The following SYT16 variants were observed in gnomAD, a reference collection of about 807,000 sequenced individuals.
The protein encoded by SYT16 is synaptotagmin 16.
Under a neutral mutation model 61.4 loss-of-function variants are expected in SYT16, and 42 were observed. That is an observed-to-expected ratio of 0.68 (90% CI 0.53 to 0.89). SYT16 has a LOEUF of 0.89. SYT16 is among the 40% of genes least tolerant of loss of function. The pLI is 0.00. For synonymous variants in SYT16, 314 were observed against 302.3 expected, an observed-to-expected ratio of 1.04 and a Z score of -0.40; for missense variants, 804 against 807.3, an observed-to-expected ratio of 1.00 and a Z score of 0.05.
intron 1 of SYT16, among the ~76,000 whole-genome samples, chr14:61,887,344 A>G (rs924989972): frequency 6.6e-6 from 1 of 152,212 alleles, no homozygotes; most frequent in African/African-American, 2.4e-5. Flanking sequence ...TACACTGAGC[A>G]TAGTTCTTAG....
chr14:61,931,054 A>G (rs553112391), intron 1 of SYT16, among the ~76,000 whole-genome samples: 1 of 152,328 alleles, frequency 6.6e-6, no homozygotes, highest in South Asian at 2.1e-4. Flanking sequence ...TACAGCAGCA[A>G]TAGAAAACAT....
At chr14:61,978,828 T>C (rs901333271) in intron 2 of SYT16, among the ~76,000 whole-genome samples, 1 of 152,142 alleles carries the variant, frequency 6.6e-6, no homozygotes, top group Non-Finnish European at 1.5e-5. Context: ...ATGATGCTTT[T>C]CCTCCCCACT....
At position 62,081,037 on chromosome 14, in the gene SYT16, A is replaced by G. The variant is rs1412704532; in HGVS notation, c.1197A>G (p.Lys399=). ...ATGTAGTGCTGCTGCCTGGTAAGAAACACAGGGGCAGGACGAACATACAGA... is the reference window on the plus strand; with the variant it reads ...ATGTAGTGCTGCTGCCTGGTAAGAAGCACAGGGGCAGGACGAACATACAGA... ...QVHVVLLPGK[K]HRGRTNIQRG... is the part of the protein sequence containing the mutation. The change falls in exon 6 of 8, where the codon AAA becomes AAG. Residue 399 remains lysine (K), a synonymous_variant. Transcript: ENST00000683842. 3.1e-6 allele frequency: 5 copies of G among 1,613,544 alleles called. No individual in the cohort carries two copies. In the South Asian group the frequency reaches 5.5e-5, roughly 18 times the overall value.
At position 62,108,711 on chromosome 14, in the gene SYT16, TAATTTC is replaced by T. The variant is rs1440091725; in HGVS notation, c.*8006_*8011del. 1 of 152,210 alleles carries T rather than the reference TAATTTC, an allele frequency of 6.6e-6. No homozygotes were observed. The highest frequency in any genetic ancestry group is 1.9e-4 in the East Asian group (1 of 5,200). 9.4% of individuals were successfully genotyped at this position (152,210 alleles called of 1,614,324 possible). On this transcript the variant is annotated 3_prime_UTR_variant, in exon 8 of 8. Coordinates refer to ENST00000683842, the MANE Select transcript of SYT16 (RefSeq NM_001367656.1). ...AAGTCCTTTCCAGAATTTTAAAACTTAATTTCAGTATAGATTTTAAGTTTGTGAATA... is the reference window on the plus strand; with the variant it reads ...AAGTCCTTTCCAGAATTTTAAAACTTAGTATAGATTTTAAGTTTGTGAATA...
At chr14:61,967,438 C>T (rs1278279567) in intron 1 of SYT16, among the ~76,000 whole-genome samples, 1 of 152,122 alleles carries the variant, frequency 6.6e-6, no homozygotes, top group East Asian at 1.9e-4. Flanking sequence ...TTTTGGAGGC[C>T]AGCAGTTCAA....
chr14:61,835,911 C>A (rs553615549), intron 1 of SYT16, among the ~76,000 whole-genome samples: 1 of 152,272 alleles, frequency 6.6e-6, no homozygotes, highest in East Asian at 1.9e-4. Context: ...ATTTACATGT[C>A]CCAGGTGAGT....
chr14:62,082,021 C>T (rs1464586357), intron 6 of SYT16, among the ~76,000 whole-genome samples: 1 of 152,108 alleles, frequency 6.6e-6, no homozygotes, highest in Non-Finnish European at 1.5e-5. Context: ...TAGTGGTGGC[C>T]AAGTAGGCAA....
intron 1 of SYT16, among the ~76,000 whole-genome samples, chr14:61,843,160 C>G (rs1378850898): frequency 6.6e-6 from 1 of 152,068 alleles, no homozygotes; most frequent in Non-Finnish European, 1.5e-5. Context: ...AACCTCCCAA[C>G]TGTTCTTCGT....
chr14:62,052,486 C>T (rs540860070), intron 3 of SYT16, among the ~76,000 whole-genome samples: 1 of 152,316 alleles, frequency 6.6e-6, no homozygotes, highest in Admixed American at 6.5e-5. Context: ...TTTTGTAAAT[C>T]TTCCACATAT....
chr14:62,043,145 T>C (rs183995607), intron 3 of SYT16, among the ~76,000 whole-genome samples: 2 of 151,978 alleles, frequency 1.3e-5, no homozygotes, highest in East Asian at 3.9e-4. Context: ...TGAAATTTTA[T>C]TTCTTGCTTT....
chr14:61,951,411 A>G (rs1243023886), intron 1 of SYT16, among the ~76,000 whole-genome samples: 1 of 152,178 alleles, frequency 6.6e-6, no homozygotes, highest in African/African-American at 2.4e-5. Flanking sequence ...TGTCTTTTTA[A>G]GGGTATTGGA....
chr14:61,816,047 G>T (rs1297363045), intron 1 of SYT16, among the ~76,000 whole-genome samples: 2 of 152,152 alleles, frequency 1.3e-5, no homozygotes, highest in African/African-American at 4.8e-5. Context: ...TGTCTTTGGG[G>T]CTGTGACAGA....
intron 2 of SYT16, among the ~76,000 whole-genome samples, chr14:61,983,161 G>A (rs550384182): frequency 4.6e-5 from 7 of 152,168 alleles, no homozygotes; most frequent in Non-Finnish European, 1.0e-4. Flanking sequence ...AGCTATTTGA[G>A]TGATCAGTTT....
chr14:61,859,950 G>A (rs1008933350), intron 1 of SYT16, among the ~76,000 whole-genome samples: 1 of 152,188 alleles, frequency 6.6e-6, no homozygotes, highest in Non-Finnish European at 1.5e-5. Flanking sequence ...ATGTGGATAA[G>A]GTCGGGGACA....
chr14:61,969,461 T>C lies in SYT16; in HGVS notation c.-324-671T>C, dbSNP rs963986386. ...CAGGTCAGTTAAAGGGCAGAGTTTT[T>C]TGATACTGATGAGGAGGAGGAGGGG... is the stretch of plus-strand genomic sequence containing the variant. On this transcript the variant is annotated intron_variant, in intron 1 of 7. Transcript: ENST00000683842. Among the ~76,000 whole-genome samples, 3 of 152,188 alleles carry C rather than the reference T, an allele frequency of 2.0e-5. No individual in the cohort carries two copies. In the East Asian group the frequency reaches 5.8e-4, roughly 29 times the overall value.
chr14:61,991,950 G>GTTCATTCA (rs75057544), intron 2 of SYT16, among the ~76,000 whole-genome samples: 1,928 of 149,274 alleles, frequency 0.013, 19 homozygotes, highest in African/African-American at 0.018. Context: ...AACTTTGTTC[G>GTTCATTCA]TTCATTCATT....
chr14:61,861,183 C>T (rs9972179), intron 1 of SYT16, among the ~76,000 whole-genome samples: 310 of 152,238 alleles, frequency 2.0e-3, no homozygotes, highest in African/African-American at 7.3e-3. Context: ...TTGTATATAT[C>T]CAGTGGACTA....
rs760675924 is a variant in SYT16, at chr14:62,100,466, G to T, written c.1697G>T (p.Arg566Leu). 22 of 1,613,378 alleles carry T rather than the reference G, an allele frequency of 1.4e-5. No homozygotes were observed. The highest frequency in any genetic ancestry group is 1.9e-5 in the Non-Finnish European group (22 of 1,179,666). The change falls in exon 8 of 8, where the codon CGT (arginine) becomes CTT (leucine). Residue 566 changes from arginine to leucine, a missense_variant. Arg to Leu is a moderately radical substitution (Grantham distance 102). Coordinates refer to ENST00000683842, the MANE Select transcript of SYT16 (RefSeq NM_001367656.1). ...TCCCGTTGCAAGACGTCCATTCGGC[G>T]TGGTCAGCCCAATCCTGTCTATAAG... Reference protein sequence around the residue: ...EMSRCKTSIRRGQPNPVYKET... With the variant: ...EMSRCKTSIRLGQPNPVYKET...
chr14:61,865,843 T>G (rs1330529135), intron 1 of SYT16, among the ~76,000 whole-genome samples: 1 of 152,194 alleles, frequency 6.6e-6, no homozygotes, highest in Non-Finnish European at 1.5e-5. Context: ...TTACCTGTCC[T>G]TATTTTCCAC....
Sources: allele counts gnomAD v4.1 joint callset (sites outside exome capture counted in the v4.1 genomes callset), GRCh38; gene constraint gnomAD v4.1.1; transcripts MANE v1.5; gene names NCBI Gene and HGNC (gene_info 2026-07-23, HGNC 2026-07-21).